Variants in ENOX1 observed in about 807,000 individuals in gnomAD.
The protein encoded by ENOX1 is ecto-NOX disulfide-thiol exchanger 1, also known as candidate growth-related and time keeping constitutive hydroquinone (NADH) oxidase.
Under a neutral mutation model 82.5 loss-of-function variants are expected in ENOX1, and 42 were observed. The observed-to-expected ratio is 0.51, with a 90% confidence interval of 0.40 to 0.66. The LOEUF (loss-of-function observed/expected upper bound fraction) is 0.66. ENOX1 is among the 30% of genes least tolerant of loss of function. The pLI is 0.00. For synonymous variants in ENOX1, 271 were observed against 282.2 expected (o/e 0.96, Z 0.40); for missense variants, 608 against 811.6 (o/e 0.75, Z 3.05).
In ENOX1 at chr13:43,621,889, T is replaced by C. The variant is rs2082746944; in HGVS notation, c.-219+45590A>G. Among the ~76,000 whole-genome samples, 4 of 152,210 alleles carry C rather than the reference T, an allele frequency of 2.6e-5. No individual in the cohort carries two copies. In the South Asian group the frequency reaches 8.3e-4, roughly 32 times the overall value. ...TTCTCTTCTTCCTCAGGAAGACCAA[T>C]TATTCTCAGGTTTGGTCATTTAACA... On this transcript the variant is annotated intron_variant, in intron 2 of 16. Coordinates refer to ENST00000690772, the MANE Select transcript of ENOX1 (RefSeq NM_001347969.2).
At chr13:43,269,359 A>G in intron 13 of ENOX1, 111 bp downstream of exon 13, 1 of 823,120 alleles carries the variant, frequency 1.2e-6, no homozygotes, top group South Asian at 1.5e-5. Context: ...GGTTCAGACT[A>G]ATTGTACTGC....
At chr13:43,354,570 T>TC (rs2050028161) in intron 8 of ENOX1, among the ~76,000 whole-genome samples, 1 of 151,530 alleles carries the variant, frequency 6.6e-6, no homozygotes, top group Non-Finnish European at 1.5e-5. Context: ...AAACATCCAA[T>TC]CCACTTTATA....
chr13:43,261,912 C>T (rs377424462), intron 14 of ENOX1, among the ~76,000 whole-genome samples: 2 of 149,530 alleles, frequency 1.3e-5, no homozygotes, highest in African/African-American at 2.5e-5. Flanking sequence ...GTGGGTGCAG[C>T]GCACCAGCAT....
intron 1 of ENOX1, among the ~76,000 whole-genome samples, chr13:43,714,282 T>C (rs1473206925): frequency 6.6e-6 from 1 of 152,158 alleles, no homozygotes; most frequent in Non-Finnish European, 1.5e-5. Flanking sequence ...TGAGAGATAG[T>C]TTGTTATAAT....
chr13:43,628,001 T>C (rs7330104), intron 2 of ENOX1, among the ~76,000 whole-genome samples: 5,417 of 152,220 alleles, frequency 0.036, 299 homozygotes, highest in African/African-American at 0.12. Flanking sequence ...TTTTCCTGTG[T>C]CATTTTTTTT....
intron 1 of ENOX1, among the ~76,000 whole-genome samples, chr13:43,688,819 T>C (rs1266793231): frequency 4.6e-5 from 7 of 152,306 alleles, no homozygotes; most frequent in South Asian, 2.1e-4. Flanking sequence ...GAGTTCAATA[T>C]ACCTGAAATA....
At chr13:43,773,954 G>C (rs117019812) in intron 1 of ENOX1, among the ~76,000 whole-genome samples, 3 of 151,944 alleles carry the variant, frequency 2.0e-5, no homozygotes, top group African/African-American at 7.3e-5. Flanking sequence ...GCCTATAATC[G>C]CAATATGATA....
intron 15 of ENOX1, among the ~76,000 whole-genome samples, chr13:43,228,373 G>A (rs2042120223): frequency 6.6e-6 from 1 of 152,056 alleles, no homozygotes; most frequent in Non-Finnish European, 1.5e-5. Flanking sequence ...CTCCATATTG[G>A]AGAATGGGTT....
intron 1 of ENOX1, among the ~76,000 whole-genome samples, chr13:43,769,993 A>G (rs1034713994): frequency 6.6e-6 from 1 of 152,230 alleles, no homozygotes; most frequent in African/African-American, 2.4e-5. Flanking sequence ...AATTTCTCTA[A>G]TAAGAATTTA....
At chr13:43,592,854 C>G (rs2081304047) in intron 2 of ENOX1, among the ~76,000 whole-genome samples, 1 of 152,226 alleles carries the variant, frequency 6.6e-6, no homozygotes, top group African/African-American at 2.4e-5. Context: ...ATCAATAATT[C>G]TTTGGCACAT....
intron 2 of ENOX1, among the ~76,000 whole-genome samples, chr13:43,486,366 T>TA (rs1268276647): frequency 1.3e-5 from 2 of 151,164 alleles, no homozygotes; most frequent in Non-Finnish European, 2.9e-5. Flanking sequence ...CCTGGGCAAG[T>TA]AAGTGAGACT....
In ENOX1 at chr13:43,688,594, T is replaced by C. The variant is rs1385754997; in HGVS notation, c.-284-21050A>G. ...GCCTGTGTCCCCATAAAAACCTATT[T>C]ACAAAAAAACAGGCCATAGGCCAAA... On this transcript the variant is annotated intron_variant, in intron 1 of 16. Transcript: ENST00000690772. Among the ~76,000 whole-genome samples the C allele has an allele frequency of 2.0e-5, 3 of 152,086 alleles. No individual in the cohort carries two copies. In the East Asian group the frequency reaches 5.8e-4, roughly 29 times the overall value.
At chr13:43,676,097 T>C (rs2085495167) in intron 1 of ENOX1, among the ~76,000 whole-genome samples, 1 of 152,168 alleles carries the variant, frequency 6.6e-6, no homozygotes, top group Non-Finnish European at 1.5e-5. Context: ...TGGAGATTCC[T>C]CATGAATGGA....
chr13:43,257,378 T>C (rs548896110), intron 14 of ENOX1, among the ~76,000 whole-genome samples: 1 of 152,334 alleles, frequency 6.6e-6, no homozygotes, highest in East Asian at 1.9e-4. Context: ...TATATGAATA[T>C]ATGAAAATAT....
chr13:43,523,573 T>C (rs922638168), intron 2 of ENOX1, among the ~76,000 whole-genome samples: 2 of 152,120 alleles, frequency 1.3e-5, no homozygotes, highest in Non-Finnish European at 2.9e-5. Flanking sequence ...GCTAAACTAT[T>C]TTCAAAGAAA....
At chr13:43,482,959 T>A (rs2058563651) in intron 3 of ENOX1, among the ~76,000 whole-genome samples, 1 of 152,100 alleles carries the variant, frequency 6.6e-6, no homozygotes, top group Non-Finnish European at 1.5e-5. Flanking sequence ...GGGTTAATCA[T>A]GAGGCCCAAC....
chr13:43,631,361 C>T (rs935932156), intron 2 of ENOX1, among the ~76,000 whole-genome samples: 8 of 152,304 alleles, frequency 5.3e-5, no homozygotes, highest in African/African-American at 1.9e-4. Flanking sequence ...AGATTCTGCA[C>T]CCCTCTGGCA....
chr13:43,499,226 G>A (rs954965151), intron 2 of ENOX1, among the ~76,000 whole-genome samples: 1 of 151,912 alleles, frequency 6.6e-6, no homozygotes, highest in East Asian at 1.9e-4. Flanking sequence ...TATGATCTCT[G>A]TGGTATCCTA....
chr13:43,271,435 G>A (rs939072177), intron 12 of ENOX1, among the ~76,000 whole-genome samples: 7 of 152,030 alleles, frequency 4.6e-5, no homozygotes, highest in Admixed American at 4.6e-4. Flanking sequence ...CTCTGGGTGG[G>A]TGGGTTCATG....
Sources: allele counts gnomAD v4.1 joint callset (sites outside exome capture counted in the v4.1 genomes callset), GRCh38; gene constraint gnomAD v4.1.1; transcripts MANE v1.5; gene names NCBI Gene and HGNC (gene_info 2026-07-23, HGNC 2026-07-21).